The following E2F4 variants were observed in gnomAD, a reference collection of about 807,000 sequenced individuals.
E2F4 encodes E2F transcription factor 4.
Under a neutral mutation model 44.5 loss-of-function variants are expected in E2F4, and 16 were observed. The observed-to-expected ratio is 0.36, with a 90% CI of 0.24 to 0.55. E2F4 has a LOEUF of 0.55. Among genes scored for constraint, E2F4 ranks in the 20% least tolerant of loss-of-function variants. The probability of loss-of-function intolerance (pLI) is 0.87; values close to 1 mark genes in which losing one functional copy is unlikely to be tolerated. For synonymous variants in E2F4, 242 were observed against 207.2 expected, an observed-to-expected ratio of 1.17 and a Z score of -1.44; for missense variants, 473 against 522.1, an observed-to-expected ratio of 0.91 and a Z score of 0.92.
chr16:67,195,046 T>C (rs1176431244), intron 6 of E2F4, 66 bp downstream of exon 6: 2 of 1,549,864 alleles, frequency 1.3e-6, no homozygotes, highest in East Asian at 4.5e-5. Context: ...TGGAACACCA[T>C]GCTCAGAGTT....
intron 3 of E2F4, 150 bp from the exon 4 acceptor site, chr16:67,193,322 C>T (rs1448240148): frequency 6.7e-7 from 1 of 1,493,104 alleles, no homozygotes; most frequent in Non-Finnish European, 9.3e-7. Context: ...CCCTTCCACT[C>T]TTAGCCTGTG....
Position 67,195,924 on chromosome 16 carries a change from C to CAGCAGCAGCAGCAGCAGT in E2F4, c.958_959insGCAGCAGCAGTAGCAGCA (p.Ser314_Ser319dup), listed in dbSNP as rs748010501. On this transcript the variant is annotated inframe_insertion, in exon 7 of 10. Coordinates refer to ENST00000379378, the MANE Select transcript of E2F4 (RefSeq NM_001950.4). The stretch of plus-strand genomic sequence containing the variant: ...GCAGCAGCAGCAGCAGCAGCAGCAG[C>CAGCAGCAGCAGCAGCAGT]AGCAGCAACAGTAACAGCAGCAGTT... The CAGCAGCAGCAGCAGCAGT allele has an allele frequency of 3.1e-6, 5 of 1,613,480 alleles. No individual in the cohort carries two copies. The African/African-American group carries it at 6.7e-5, about 22-fold the overall frequency.
chr16:67,198,297 T>C lies in E2F4; in HGVS notation c.*174T>C, dbSNP rs1048210506. 5.5e-5 allele frequency: 34 copies of C among 616,740 alleles called. No individual in the cohort carries two copies. The highest frequency in any genetic ancestry group is 2.8e-4 in the Admixed American group (10 of 35,690). The allele number at this position is 616,740 out of a possible 1,614,324, so 38.2% of individuals were successfully genotyped here. A position where few individuals can be genotyped will look rare whatever the true frequency, so the allele number is the denominator to read the frequency against. ...GCTCCCGCTCCTGTGCTGGCACTTC[T>C]GTGCTCGCAGAGCAGGGGAACAGGA... On this transcript the variant is annotated 3_prime_UTR_variant, in exon 10 of 10. Transcript: ENST00000379378.
Position 67,198,565 on chromosome 16 carries a change from C to T in E2F4, c.*442C>T. The T allele has an allele frequency of 5.2e-6, 1 of 193,604 alleles. No homozygotes were observed. Among genetic ancestry groups the T allele is most frequent in the South Asian group, 9.7e-5 (1 of 10,342 alleles). 12.0% of individuals were successfully genotyped at this position (193,604 alleles called of 1,614,324 possible). ...CCACTTCTAGCTTCCTTCGCTATCC[C>T]CCACCCCCTGACCCTCCAGCTCCTC... On this transcript the variant is annotated 3_prime_UTR_variant, in exon 10 of 10. Transcript: ENST00000379378.
In E2F4 at chr16:67,195,929, G is replaced by GCAGCAA. The variant is rs1555554106; in HGVS notation, c.958_959insGCAACA (p.Ser319_Asn320insSerAsn). The GCAGCAA allele has an allele frequency of 1.2e-6, 2 of 1,613,634 alleles. No individual in the cohort carries two copies. The highest frequency in any genetic ancestry group is 2.2e-5 in the South Asian group (2 of 91,070). ...AGCAGCAGCAGCAGCAGCAGCAGCA[G>GCAGCAA]CAACAGTAACAGCAGCAGTTCGTCC... is the stretch of plus-strand genomic sequence containing the variant. On this transcript the variant is annotated inframe_insertion, in exon 7 of 10. Transcript: ENST00000379378.
At chr16:67,196,047 C>A (rs1394678743) in intron 7 of E2F4, 41 bp downstream of exon 7, 4 of 1,611,496 alleles carry the variant, frequency 2.5e-6, no homozygotes, top group Non-Finnish European at 2.5e-6. Flanking sequence ...GAGAGTCTAG[C>A]CTCAGTCCAG....
chr16:67,194,318 C>A, intron 4 of E2F4, 80 bp from the exon 5 acceptor site: 1 of 1,512,648 alleles, frequency 6.6e-7, no homozygotes, highest in Non-Finnish European at 9.1e-7. Flanking sequence ...GATCTCCTGC[C>A]TTGCTCCAAA....
At chr16:67,196,124 G>T (rs2032966404) in intron 7 of E2F4, 118 bp downstream of exon 7, 1 of 1,459,750 alleles carries the variant, frequency 6.9e-7, no homozygotes, top group Admixed American at 1.8e-5. Context: ...GGACACGAGA[G>T]CTCTCTGCCA....
At chr16:67,196,729 G>A (rs2032975557) in intron 7 of E2F4, among the ~76,000 whole-genome samples, 1 of 152,148 alleles carries the variant, frequency 6.6e-6, no homozygotes, top group Non-Finnish European at 1.5e-5. Context: ...ATTCCTGCAT[G>A]TCCTCAACTG....
chr16:67,195,752 T>A, intron 6 of E2F4, 30 bp from the exon 7 acceptor site: 1 of 1,613,532 alleles, frequency 6.2e-7, no homozygotes, highest in Non-Finnish European at 8.5e-7. Flanking sequence ...CCTGACCTTG[T>A]ATGACTGGGT....
chr16:67,195,290 C>T (rs963236666), intron 6 of E2F4, among the ~76,000 whole-genome samples: 2 of 152,132 alleles, frequency 1.3e-5, no homozygotes, highest in African/African-American at 4.8e-5. Context: ...GCCCACCATG[C>T]GCAGCTAATT....
rs1447040936 is a variant in E2F4 at position 67,198,035 on chromosome 16, C to T, written c.1154C>T (p.Pro385Leu). ...TTTGCCCCTCTGCTTCGTCTTTCTC[C>T]ACCCCCGGGAGACCACGATTATATC... ...EVFAPLLRLS[P>L]PPGDHDYIYN... Residue 385 changes from proline to leucine, a missense_variant, in exon 10 of 10, where the codon CCA (proline) becomes CTA (leucine). By Grantham distance (98) the Pro-to-Leu change is moderately conservative. Transcript: ENST00000379378. The T allele has an allele frequency of 6.2e-7, 1 of 1,614,124 alleles. No individual in the cohort carries two copies. The highest frequency in any genetic ancestry group is 2.2e-5 in the East Asian group (1 of 44,886).
intron 4 of E2F4, 87 bp from the exon 5 acceptor site, chr16:67,194,311 C>T: frequency 1.4e-6 from 2 of 1,454,104 alleles, no homozygotes; most frequent in Non-Finnish European, 1.9e-6. Flanking sequence ...GGACCGTGAT[C>T]TCCTGCCTTG....
chr16:67,192,184 CGGCCTGGCCT>C lies in E2F4; in HGVS notation c.-35_-26del. 1 of 1,161,300 alleles carries C rather than the reference CGGCCTGGCCT, an allele frequency of 8.6e-7. No individual in the cohort carries two copies. Among genetic ancestry groups the C allele is most frequent in the South Asian group, 4.2e-5 (1 of 23,638 alleles). The allele number at this position is 1,161,300 out of a possible 1,614,324, so 71.9% of individuals were successfully genotyped here. A position where few individuals can be genotyped will look rare whatever the true frequency, so the allele number is the denominator to read the frequency against. On this transcript the variant is annotated 5_prime_UTR_variant, in exon 1 of 10. Coordinates refer to ENST00000379378, the MANE Select transcript of E2F4 (RefSeq NM_001950.4). Reference sequence around the variant, plus strand: ...ACGGAAGCGGAAGTGGCGGCGGCGCCGGCCTGGCCTGGCCTGGCTGAGGGGAGGCGGCGGG... The same window carrying C: ...ACGGAAGCGGAAGTGGCGGCGGCGCCGGCCTGGCTGAGGGGAGGCGGCGGG...
At position 67,195,997 on chromosome 16, in the gene E2F4, C is replaced by T. The variant is rs944375371; in HGVS notation, c.1024C>T (p.Pro342Ser). Residue 342 changes from proline (P) to serine (S), a missense_variant, in exon 7 of 10, where the codon CCC becomes TCC. Physicochemically the swap from Pro to Ser is moderately conservative, Grantham distance 74. Around this residue, in one of 3 missense-constraint regions of E2F4, gnomAD observed 314 missense variants for 315.6 expected, o/e 0.99. Coordinates refer to ENST00000379378, the MANE Select transcript of E2F4 (RefSeq NM_001950.4). ...CTCCTTTGAGCCCATCAAGGCAGACCCCACAGGTGGTGAGTACCTGCCCCC... is the reference window on the plus strand; with the variant it reads ...CTCCTTTGAGCCCATCAAGGCAGACTCCACAGGTGGTGAGTACCTGCCCCC... The part of the protein sequence containing the change: ...STSFEPIKAD[P>S]TGVLELPKEL... 6 of 1,613,950 alleles carry T rather than the reference C, an allele frequency of 3.7e-6. No individual in the cohort carries two copies. The highest frequency in any genetic ancestry group is 2.2e-5 in the East Asian group (1 of 44,896).
intron 5 of E2F4, 39 bp downstream of exon 5, chr16:67,194,498 C>G: frequency 6.2e-7 from 1 of 1,610,968 alleles, no homozygotes; most frequent in Non-Finnish European, 8.5e-7. Context: ...CAGCTGAGGG[C>G]GGGTGCTGGC....
intron 7 of E2F4, among the ~76,000 whole-genome samples, chr16:67,196,325 A>G (rs908800855): frequency 6.6e-6 from 1 of 151,804 alleles, no homozygotes; most frequent in Admixed American, 6.6e-5. Context: ...AGTAATCTCC[A>G]TTCATTAGTC....
chr16:67,196,386 C>G (rs1420868114), intron 7 of E2F4, among the ~76,000 whole-genome samples: 1 of 152,230 alleles, frequency 6.6e-6, no homozygotes. Context: ...CCCAGTGTTA[C>G]AGCGGTGTTA....
chr16:67,194,286 T>A, intron 4 of E2F4, 112 bp from the exon 5 acceptor site: 1 of 1,163,572 alleles, frequency 8.6e-7, no homozygotes, highest in Non-Finnish European at 1.2e-6. Flanking sequence ...TGAGGCCCAC[T>A]GTCTAGTTCC....
Sources: gnomAD v4.1 joint callset for allele counts (sites outside exome capture counted in the v4.1 genomes callset) on GRCh38, gnomAD v4.1.1 for gene constraint, gnomAD v4.1.1 regional missense constraint, MANE v1.5 for transcripts, NCBI Gene and HGNC (gene_info 2026-07-23, HGNC 2026-07-21) for gene names.